The following MCM8 variants were observed in gnomAD, a reference collection of about 807,000 sequenced individuals.
MCM8 encodes the protein DNA helicase MCM8.
In MCM8, 85 loss-of-function variants were observed where a neutral mutation model predicts 98.9. The observed-to-expected ratio is 0.86, with a 90% CI of 0.72 to 1.03. The LOEUF is 1.03. Ranked by LOEUF, MCM8 falls within the 50% of genes least tolerant of loss-of-function variation. MCM8 has a pLI of 0.00. For synonymous variants in MCM8, 352 were observed against 338.6 expected, an observed-to-expected ratio of 1.04 and a Z score of -0.44; for missense variants, 951 against 997.8, an observed-to-expected ratio of 0.95 and a Z score of 0.63.
intron 8 of MCM8, chr20:5,965,304 C>A (rs1307080949): frequency 1.3e-5 from 2 of 152,302 alleles, no homozygotes; most frequent in East Asian, 1.9e-4. Context: ...GTTTATCCCC[C>A]CTTAGCAAAA....
At chr20:5,962,270 A>G (rs931155653) in intron 7 of MCM8, among the ~76,000 whole-genome samples, 4 of 151,836 alleles carry the variant, frequency 2.6e-5, no homozygotes, top group Non-Finnish European at 4.4e-5. Flanking sequence ...AAGTCGTGCA[A>G]CATCACTGTG....
At position 5,977,930 on chromosome 20, in the gene MCM8, A is replaced by G. The variant is rs1434411083; in HGVS notation, c.1450A>G (p.Thr484Ala). 3.1e-6 allele frequency: 5 copies of G among 1,614,040 alleles called. No individual in the cohort carries two copies. Among genetic ancestry groups the G allele is most frequent in the Non-Finnish European group, 4.2e-6 (5 of 1,180,032 alleles). ...GVYVCGNTTTTSGLTVTLSKD... is the reference protein window; with the variant it reads ...GVYVCGNTTTASGLTVTLSKD... ...GTATGTTTGTGGTAACACCACGACC[A>G]CCTCTGGTCTGACGGTAACTCTTTC... Residue 484 changes from threonine to alanine, a missense_variant, in exon 13 of 19, where the codon ACC becomes GCC. Physicochemically the swap from Thr to Ala is moderately conservative, Grantham distance 58. Transcript: ENST00000610722.
In MCM8 at chr20:5,994,534, G is replaced by A; in HGVS notation, c.*143G>A. On this transcript the variant is annotated 3_prime_UTR_variant, in exon 19 of 19. Coordinates refer to ENST00000610722, the MANE Select transcript of MCM8 (RefSeq NM_032485.6). ...ACACACACACACACAGTCAAATACT[G>A]TTCTCTGAAAAATGATGTCCCAAAA... is the stretch of plus-strand genomic sequence containing the variant. The A allele has an allele frequency of 1.8e-6, 1 of 557,790 alleles. No individual in the cohort carries two copies. Among genetic ancestry groups the A allele is most frequent in the Non-Finnish European group, 3.1e-6 (1 of 318,030 alleles). The allele number at this position is 557,790 out of a possible 1,614,324, so 34.6% of individuals were successfully genotyped here.
chr20:5,997,049 G>A lies in MCM8; in HGVS notation c.*2658G>A, dbSNP rs1396205891. ...GGCATGGCACGCCCTCTTGGGAGAT[G>A]AAAGTAATCTTCCATAGGCAATTGT... On this transcript the variant is annotated 3_prime_UTR_variant, in exon 19 of 19. Transcript: ENST00000610722. The A allele has an allele frequency of 6.6e-6, 1 of 152,342 alleles. No individual in the cohort carries two copies. The highest frequency in any genetic ancestry group is 1.5e-5 in the Non-Finnish European group (1 of 68,132). 9.4% of individuals were successfully genotyped at this position (152,342 alleles called of 1,614,324 possible).
chr20:5,978,495 G>A (rs567976099), intron 13 of MCM8, among the ~76,000 whole-genome samples: 1 of 152,294 alleles, frequency 6.6e-6, no homozygotes, highest in South Asian at 2.1e-4. Context: ...CCTTGGCACT[G>A]ACAAAAAGGT....
intron 8 of MCM8, among the ~76,000 whole-genome samples, chr20:5,966,240 GTC>G (rs1310145594): frequency 2.6e-5 from 4 of 151,796 alleles, no homozygotes; most frequent in Admixed American, 2.6e-4. Flanking sequence ...GTATCTAGTT[GTC>G]TCTATCCTGC....
chr20:5,977,747 A>T (rs1468528590), intron 12 of MCM8, 129 bp from the exon 13 acceptor site: 1 of 901,688 alleles, frequency 1.1e-6, no homozygotes, highest in African/African-American at 1.7e-5. Flanking sequence ...TCTGCTGGTG[A>T]TGGTGCACCT....
chr20:5,974,996 C>T (rs8115277), intron 12 of MCM8, among the ~76,000 whole-genome samples: 9,762 of 152,192 alleles, frequency 0.064, 622 homozygotes, highest in African/African-American at 0.17. Context: ...CAGTGGCTTA[C>T]GCCTGTAATC....
intron 7 of MCM8, among the ~76,000 whole-genome samples, chr20:5,959,813 C>T (rs1480564366): frequency 6.6e-6 from 1 of 150,920 alleles, no homozygotes; most frequent in Non-Finnish European, 1.5e-5. Flanking sequence ...GTTCTCCTGC[C>T]TCAGCCTCTC....
At position 5,995,525 on chromosome 20, in the gene MCM8, C is replaced by T. The variant is rs1170155413; in HGVS notation, c.*1134C>T. 6.6e-6 allele frequency: 1 copy of T among 152,160 alleles called. No homozygotes were observed. The highest frequency in any genetic ancestry group is 2.4e-5 in the African/African-American group (1 of 41,430). 9.4% of individuals were successfully genotyped at this position (152,160 alleles called of 1,614,324 possible). On this transcript the variant is annotated 3_prime_UTR_variant, in exon 19 of 19. Coordinates refer to ENST00000610722, the MANE Select transcript of MCM8 (RefSeq NM_032485.6). Reference sequence around the variant, plus strand: ...GGTAGAAGAATGCCCCCACCCGCACCGGAACAGCAACAAAAGGATTCTGCA... The same window carrying T: ...GGTAGAAGAATGCCCCCACCCGCACTGGAACAGCAACAAAAGGATTCTGCA...
Position 5,983,154 on chromosome 20 carries a change from T to C in MCM8, c.1722T>C (p.Ser574=), listed in dbSNP as rs762113433. The change falls in exon 14 of 19, where the codon TCT becomes TCC. Residue 574 remains serine (S), a synonymous_variant. Coordinates refer to ENST00000610722, the MANE Select transcript of MCM8 (RefSeq NM_032485.6). ...ATTACAATAAAGCCAAAACAGTTTC[T>C]GAGAATTTAAAGTAAGTCTCTTCAA... ...GGHYNKAKTV[S]ENLKMGSALL... 1 of 1,610,976 alleles carries C rather than the reference T, an allele frequency of 6.2e-7. No homozygotes were observed. Among genetic ancestry groups the C allele is most frequent in the South Asian group, 1.1e-5 (1 of 90,240 alleles).
At chr20:5,979,948 C>T (rs551060181) in intron 13 of MCM8, among the ~76,000 whole-genome samples, 1 of 152,290 alleles carries the variant, frequency 6.6e-6, no homozygotes, top group South Asian at 2.1e-4. Context: ...CTTCCCATGT[C>T]TCCTCTTCTC....
chr20:5,989,767 C>T (rs1201795877), intron 17 of MCM8, among the ~76,000 whole-genome samples: 1 of 152,156 alleles, frequency 6.6e-6, no homozygotes, highest in Non-Finnish European at 1.5e-5. Context: ...CCCATGTCAC[C>T]TCCTGAAGGT....
intron 7 of MCM8, among the ~76,000 whole-genome samples, chr20:5,959,761 C>T (rs1225285275): frequency 2.2e-5 from 3 of 135,792 alleles, no homozygotes; most frequent in Non-Finnish European, 4.5e-5. Flanking sequence ...TGCAGTGGCG[C>T]GATCTTGGCT....
intron 7 of MCM8, among the ~76,000 whole-genome samples, chr20:5,960,784 A>T (rs2089121950): frequency 6.6e-6 from 1 of 152,094 alleles, no homozygotes; most frequent in Non-Finnish European, 1.5e-5. Flanking sequence ...AAAAATTCTA[A>T]ATTAGCCAGA....
chr20:5,973,225 C>G (rs781321994), intron 12 of MCM8, 29 bp downstream of exon 12: 16 of 1,607,552 alleles, frequency 1.0e-5, no homozygotes, highest in Middle Eastern at 1.7e-4. Context: ...AGTGTTTGTT[C>G]TTTTGCTTGT....
intron 12 of MCM8, 55 bp from the exon 13 acceptor site, chr20:5,977,821 A>G (rs2089544249): frequency 6.3e-7 from 1 of 1,593,676 alleles, no homozygotes; most frequent in African/African-American, 1.3e-5. Context: ...AACTGCTGTT[A>G]GCTATTACTT....
intron 15 of MCM8, 26 bp downstream of exon 15, chr20:5,985,026 A>G (rs756047737): frequency 6.3e-7 from 1 of 1,587,810 alleles, no homozygotes; most frequent in Non-Finnish European, 8.6e-7. Flanking sequence ...CTCCTTATTC[A>G]GTTTGGTTCT....
In MCM8 at chr20:5,998,641, A is replaced by T. The variant is rs988481671; in HGVS notation, c.*4250A>T. ...TAGCCCTTGTGACAATATTGCAAGCATCCAGTTCCCTGTTTTACAGTCCTT... is the reference window on the plus strand; with the variant it reads ...TAGCCCTTGTGACAATATTGCAAGCTTCCAGTTCCCTGTTTTACAGTCCTT... On this transcript the variant is annotated 3_prime_UTR_variant, in exon 19 of 19. Coordinates refer to ENST00000610722, the MANE Select transcript of MCM8 (RefSeq NM_032485.6). The T allele has an allele frequency of 3.3e-5, 5 of 152,208 alleles. No homozygotes were observed. The highest frequency in any genetic ancestry group is 1.2e-4 in the African/African-American group (5 of 41,444). 9.4% of individuals were successfully genotyped at this position (152,208 alleles called of 1,614,324 possible). A position where few individuals can be genotyped will look rare whatever the true frequency, so the allele number is the denominator to read the frequency against.
Sources: allele counts gnomAD v4.1 joint callset (sites outside exome capture counted in the v4.1 genomes callset), GRCh38; gene constraint gnomAD v4.1.1; transcripts MANE v1.5; gene names NCBI Gene and HGNC (gene_info 2026-07-23, HGNC 2026-07-21).